Variants in DSCAM observed in about 807,000 individuals in gnomAD.
DSCAM encodes cell adhesion molecule DSCAM.
A neutral mutation model predicts 217.7 loss-of-function variants in DSCAM; 47 were observed. That is an observed-to-expected ratio of 0.22 (90% CI 0.17 to 0.28). The LOEUF (loss-of-function observed/expected upper bound fraction) is 0.28. Ranked by LOEUF, DSCAM falls within the 10% of genes least tolerant of loss-of-function variation. The pLI is 1.00. For missense variants in DSCAM, 2,080 were observed against 2,618.3 expected (o/e 0.79, Z 4.49); for synonymous variants, 1,056 against 1,015.3 (o/e 1.04, Z -0.76).
intron 3 of DSCAM, among the ~76,000 whole-genome samples, chr21:40,510,869 C>T (rs542731665): frequency 6.6e-6 from 1 of 152,340 alleles, no homozygotes; most frequent in South Asian, 2.1e-4. Flanking sequence ...TGCCATGAAT[C>T]ACAAGACTTC....
chr21:40,751,186 G>T lies in DSCAM; in HGVS notation c.44-42415C>A, dbSNP rs892119158. Among the ~76,000 whole-genome samples the T allele has an allele frequency of 3.9e-5, 6 of 151,946 alleles. 1 individual carries two copies. The highest frequency in any genetic ancestry group is 1.3e-4 in the Admixed American group (2 of 15,238). On this transcript the variant is annotated intron_variant, in intron 1 of 32. Coordinates refer to ENST00000400454, the MANE Select transcript of DSCAM (RefSeq NM_001389.5). ...GACATCCCCAGGACTCTATCACTTC[G>T]TTTAGGTTTCACTCAAGTGCCCCTT...
chr21:40,433,186 G>T (rs1251051614), intron 3 of DSCAM, among the ~76,000 whole-genome samples: 1 of 151,658 alleles, frequency 6.6e-6, no homozygotes, highest in Admixed American at 6.6e-5. Context: ...GTGAAACCCT[G>T]TCTCTACTAA....
chr21:40,182,466 G>T (rs924600296), intron 14 of DSCAM, among the ~76,000 whole-genome samples: 4 of 151,910 alleles, frequency 2.6e-5, no homozygotes, highest in African/African-American at 9.7e-5. Flanking sequence ...GAGCCACCAC[G>T]GACAGGAGGG....
chr21:40,216,288 T>A (rs2033035348), intron 11 of DSCAM, among the ~76,000 whole-genome samples: 1 of 151,906 alleles, frequency 6.6e-6, no homozygotes, highest in Non-Finnish European at 1.5e-5. Context: ...AAAAAATTTT[T>A]TTTTTTTTAG....
At chr21:40,231,201 A>C (rs140833852) in intron 11 of DSCAM, among the ~76,000 whole-genome samples, 11 of 150,398 alleles carry the variant, frequency 7.3e-5, no homozygotes, top group Admixed American at 4.0e-4. Context: ...CACTGTGAGA[A>C]TCTGGTAAGG....
At chr21:40,418,033 C>A (rs1882756) in intron 3 of DSCAM, among the ~76,000 whole-genome samples, 1 of 152,000 alleles carries the variant, frequency 6.6e-6, no homozygotes, top group African/African-American at 2.4e-5. Context: ...AGTTCCTCAA[C>A]AAAAGGCAGA....
chr21:40,263,124 T>C (rs1374856769), intron 11 of DSCAM, among the ~76,000 whole-genome samples: 1 of 152,178 alleles, frequency 6.6e-6, no homozygotes, highest in African/African-American at 2.4e-5. Context: ...AAGTCCAAAA[T>C]GGAGACAACT....
chr21:40,684,063 A>C (rs1252161192), intron 3 of DSCAM, among the ~76,000 whole-genome samples: 1 of 3,050 alleles, frequency 3.3e-4, no homozygotes, highest in Admixed American at 4.5e-3. Context: ...TGTCTCTACT[A>C]AAAAAAAAAA....
intron 3 of DSCAM, among the ~76,000 whole-genome samples, chr21:40,568,095 G>A (rs1424901743): frequency 6.6e-6 from 1 of 152,052 alleles, no homozygotes; most frequent in Non-Finnish European, 1.5e-5. Context: ...TTTCTGATAC[G>A]TAAACTATGT....
intron 3 of DSCAM, among the ~76,000 whole-genome samples, chr21:40,606,521 C>T (rs1022919920): frequency 2.6e-5 from 4 of 152,228 alleles, no homozygotes; most frequent in African/African-American, 7.2e-5. Flanking sequence ...AGCTGGCTAA[C>T]ATTGGCTGGC....
chr21:40,583,462 G>C (rs2076920413), intron 3 of DSCAM, among the ~76,000 whole-genome samples: 1 of 152,052 alleles, frequency 6.6e-6, no homozygotes, highest in African/African-American at 2.4e-5. Flanking sequence ...CTGGTCCTCT[G>C]CCCTCCCTTC....
chr21:40,216,273 T>TA (rs199549020), intron 11 of DSCAM, among the ~76,000 whole-genome samples: 15 of 149,264 alleles, frequency 1.0e-4, no homozygotes, highest in South Asian at 2.1e-4. Context: ...CTGCCTAATT[T>TA]AAAAAAAAAA....
chr21:40,397,838 C>T (rs1223912373), intron 3 of DSCAM, among the ~76,000 whole-genome samples: 1 of 152,040 alleles, frequency 6.6e-6, no homozygotes, highest in Non-Finnish European at 1.5e-5. Context: ...ATCACTACTA[C>T]CACTAATACT....
At chr21:40,149,755 C>T (rs1053443745) in intron 16 of DSCAM, among the ~76,000 whole-genome samples, 21 of 149,010 alleles carry the variant, frequency 1.4e-4, no homozygotes, top group Non-Finnish European at 2.5e-4. Context: ...CAACATCCAT[C>T]GCTCCATCAC....
chr21:40,413,045 T>G (rs537788406), intron 3 of DSCAM, among the ~76,000 whole-genome samples: 1 of 152,204 alleles, frequency 6.6e-6, no homozygotes, highest in East Asian at 1.9e-4. Context: ...ACCCTGCGAG[T>G]GCACAGAAGT....
intron 9 of DSCAM, 57 bp downstream of exon 9, chr21:40,312,024 T>C: frequency 7.5e-7 from 1 of 1,327,926 alleles, no homozygotes; most frequent in Non-Finnish European, 1.0e-6. Flanking sequence ...CCCATCATCT[T>C]AAACCATTGT....
intron 3 of DSCAM, among the ~76,000 whole-genome samples, chr21:40,489,771 T>C (rs1306713562): frequency 6.2e-5 from 1 of 16,012 alleles, no homozygotes; most frequent in African/African-American, 4.2e-4. Context: ...CGAGACTCCG[T>C]CTCAAAAAAA....
At chr21:40,690,213 T>G (rs2090524363) in intron 3 of DSCAM, among the ~76,000 whole-genome samples, 1 of 152,200 alleles carries the variant, frequency 6.6e-6, no homozygotes, top group African/African-American at 2.4e-5. Flanking sequence ...TGCTGATGGG[T>G]GGAGCTCAGA....
chr21:40,544,275 G>A (rs141407816), intron 3 of DSCAM, among the ~76,000 whole-genome samples: 1 of 152,318 alleles, frequency 6.6e-6, no homozygotes, highest in African/African-American at 2.4e-5. Context: ...TCACTTGGAA[G>A]AGTCTGTCAC....
Sources: allele counts gnomAD v4.1 joint callset (sites outside exome capture counted in the v4.1 genomes callset), GRCh38; gene constraint gnomAD v4.1.1; transcripts MANE v1.5; gene names NCBI Gene and HGNC (gene_info 2026-07-23, HGNC 2026-07-21).